SMYD3: variants seen among roughly 807,000 people sequenced by gnomAD.
The protein encoded by SMYD3 is SET and MYND domain containing 3.
Under a neutral mutation model 57.7 loss-of-function variants are expected in SMYD3, and 36 were observed. The observed-to-expected ratio is 0.62, with a 90% CI of 0.48 to 0.82. SMYD3 has a LOEUF of 0.82. Among genes scored for constraint, SMYD3 ranks in the 40% least tolerant of loss-of-function variants. The pLI is 0.00. For missense variants in SMYD3, 515 were observed against 538.8 expected, an observed-to-expected ratio of 0.96 and a Z score of 0.44; for synonymous variants, 211 against 195.0, an observed-to-expected ratio of 1.08 and a Z score of -0.68.
intron 5 of SMYD3, among the ~76,000 whole-genome samples, chr1:246,019,749 T>A (rs923082245): frequency 1.3e-5 from 2 of 152,152 alleles, no homozygotes; most frequent in Non-Finnish European, 2.9e-5. Flanking sequence ...ATAAGGCCAG[T>A]ACCAAGGTAC....
chr1:246,100,808 C>G (rs1216138869), intron 5 of SMYD3, among the ~76,000 whole-genome samples: 2 of 152,170 alleles, frequency 1.3e-5, no homozygotes, highest in African/African-American at 4.8e-5. Flanking sequence ...ATAGAAAGAT[C>G]CCACGAACAC....
intron 8 of SMYD3, among the ~76,000 whole-genome samples, chr1:245,897,964 G>T (rs1019518830): frequency 6.6e-6 from 1 of 152,036 alleles, no homozygotes; most frequent in Non-Finnish European, 1.5e-5. Context: ...GATTTCACTC[G>T]CTGTGGAAGT....
intron 10 of SMYD3, among the ~76,000 whole-genome samples, chr1:245,842,428 G>C (rs3949388): frequency 7.6e-6 from 1 of 131,930 alleles, no homozygotes; most frequent in Non-Finnish European, 1.6e-5. Context: ...AAATTCATTT[G>C]ACCAGGATTC....
At chr1:246,412,377 A>G (rs2066990418) in intron 1 of SMYD3, among the ~76,000 whole-genome samples, 1 of 152,214 alleles carries the variant, frequency 6.6e-6, no homozygotes, top group Admixed American at 6.5e-5. Flanking sequence ...ATTATCCTTT[A>G]GAAAGAAAAC....
intron 5 of SMYD3, among the ~76,000 whole-genome samples, chr1:246,118,517 A>G (rs1330419061): frequency 6.6e-6 from 1 of 152,180 alleles, no homozygotes; most frequent in East Asian, 1.9e-4. Flanking sequence ...TAGAACCATC[A>G]CTGACGCTTA....
At chr1:246,309,234 A>G (rs2065035495) in intron 5 of SMYD3, among the ~76,000 whole-genome samples, 1 of 152,228 alleles carries the variant, frequency 6.6e-6, no homozygotes, top group Admixed American at 6.5e-5. Context: ...CTAGGCTACA[A>G]TTCTAGCAAA....
intron 1 of SMYD3, among the ~76,000 whole-genome samples, chr1:246,502,231 TG>T (rs2068467276): frequency 6.6e-6 from 1 of 151,290 alleles, no homozygotes; most frequent in East Asian, 2.0e-4. Context: ...CTCCACCTCC[TG>T]GGCTCAATTG....
intron 10 of SMYD3, among the ~76,000 whole-genome samples, chr1:245,850,895 G>A (rs1255738965): frequency 6.6e-6 from 1 of 152,102 alleles, no homozygotes; most frequent in Non-Finnish European, 1.5e-5. Context: ...GTCACTCCAA[G>A]GCCTGAGCAT....
chr1:246,061,151 A>C (rs1047908093), intron 5 of SMYD3, among the ~76,000 whole-genome samples: 2 of 152,130 alleles, frequency 1.3e-5, no homozygotes, highest in Non-Finnish European at 2.9e-5. Context: ...TGAACCCAGG[A>C]GGCGGAGCTT....
intron 5 of SMYD3, among the ~76,000 whole-genome samples, chr1:245,966,055 G>A (rs2058137520): frequency 6.6e-6 from 1 of 152,080 alleles, no homozygotes; most frequent in African/African-American, 2.4e-5. Context: ...CAAATAAAAA[G>A]TTTATTAATT....
intron 11 of SMYD3, among the ~76,000 whole-genome samples, chr1:245,750,709 C>A (rs1314979347): frequency 7.0e-6 from 1 of 142,688 alleles, no homozygotes; most frequent in Non-Finnish European, 1.5e-5. Flanking sequence ...TTATCCTGCC[C>A]TGCCCAAATG....
intron 5 of SMYD3, among the ~76,000 whole-genome samples, chr1:246,323,183 C>A (rs1052830814): frequency 6.6e-6 from 1 of 152,160 alleles, no homozygotes; most frequent in Non-Finnish European, 1.5e-5. Flanking sequence ...GTTTTTACAG[C>A]CAGGCAACAA....
intron 5 of SMYD3, among the ~76,000 whole-genome samples, chr1:246,236,700 C>T (rs983832407): frequency 1.3e-5 from 2 of 152,044 alleles, no homozygotes; most frequent in African/African-American, 2.4e-5. Flanking sequence ...TCTGCAGAGG[C>T]GGCATCTCCC....
chr1:246,215,378 A>C (rs374476136), intron 5 of SMYD3, among the ~76,000 whole-genome samples: 1 of 152,124 alleles, frequency 6.6e-6, no homozygotes, highest in East Asian at 1.9e-4. Flanking sequence ...AGTTAAATAA[A>C]TAACTTTGAG....
chr1:245,984,657 T>C (rs2058667702), intron 5 of SMYD3, among the ~76,000 whole-genome samples: 1 of 152,240 alleles, frequency 6.6e-6, no homozygotes, highest in Non-Finnish European at 1.5e-5. Flanking sequence ...TGATGTTTTA[T>C]GATCCCAGAG....
intron 5 of SMYD3, among the ~76,000 whole-genome samples, chr1:246,149,429 TTAATA>T (rs1463801160): frequency 3.9e-5 from 6 of 152,188 alleles, no homozygotes; most frequent in Non-Finnish European, 8.8e-5. Context: ...TTTGTCTTTA[TTAATA>T]TGTTTCAAAA....
chr1:246,491,963 G>A (rs150259244), intron 1 of SMYD3, among the ~76,000 whole-genome samples: 3 of 152,260 alleles, frequency 2.0e-5, no homozygotes, highest in Non-Finnish European at 4.4e-5. Flanking sequence ...CTGGCTGGAC[G>A]GCAGGAACTA....
At chr1:246,472,428 G>A (rs1226408715) in intron 1 of SMYD3, among the ~76,000 whole-genome samples, 1 of 152,112 alleles carries the variant, frequency 6.6e-6, no homozygotes, top group African/African-American at 2.4e-5. Flanking sequence ...TTTAATCAAA[G>A]CAATATATAC....
chr1:246,379,244 T>C (rs1035455227), intron 1 of SMYD3, among the ~76,000 whole-genome samples: 5 of 150,838 alleles, frequency 3.3e-5, no homozygotes, highest in South Asian at 2.1e-4. Flanking sequence ...ATAATAACAT[T>C]ACATGGGTGT....
Sources: allele counts gnomAD v4.1 joint callset (sites outside exome capture counted in the v4.1 genomes callset), GRCh38; gene constraint gnomAD v4.1.1; transcripts MANE v1.5; gene names NCBI Gene and HGNC (gene_info 2026-07-23, HGNC 2026-07-21).